The following SFSWAP variants were observed in gnomAD, a reference collection of about 807,000 sequenced individuals.
SFSWAP encodes the protein splicing factor, suppressor of white-apricot homolog.
In SFSWAP, 17 loss-of-function variants were observed where a neutral mutation model predicts 100.7. The ratio of observed to expected loss-of-function variants is 0.17; its 90% confidence interval spans 0.12 to 0.25. SFSWAP has a LOEUF of 0.25. SFSWAP is among the 10% of genes least tolerant of loss of function. The pLI is 1.00. For synonymous variants in SFSWAP, 504 were observed against 510.1 expected (o/e 0.99, Z 0.16); for missense variants, 1,005 against 1,262.6 (o/e 0.80, Z 3.09).
chr12:131,745,947 G>C (rs115118290), intron 7 of SFSWAP, among the ~76,000 whole-genome samples: 1,901 of 152,324 alleles, frequency 0.012, 46 homozygotes, highest in African/African-American at 0.042. Flanking sequence ...AGCCCTGCTA[G>C]GGTAAATCTG....
intron 7 of SFSWAP, among the ~76,000 whole-genome samples, chr12:131,752,755 G>A (rs1037970310): frequency 6.6e-6 from 1 of 152,240 alleles, no homozygotes; most frequent in African/African-American, 2.4e-5. Flanking sequence ...GGTGGCCTTC[G>A]TGGGCCGTGT....
chr12:131,743,329 A>C (rs964610925), intron 7 of SFSWAP, among the ~76,000 whole-genome samples: 1 of 152,216 alleles, frequency 6.6e-6, no homozygotes, highest in East Asian at 1.9e-4. Context: ...TATAAAATCA[A>C]AAGCAAGTTA....
At chr12:131,783,816 A>G (rs1449233142) in intron 14 of SFSWAP, 6 of 136,206 alleles carry the variant, frequency 4.4e-5, no homozygotes, top group Non-Finnish European at 6.4e-5. Context: ...ATATATATAT[A>G]TATATAATTC....
At chr12:131,783,822 A>ATATATATATATATATATATATATATATAT (rs1491403303) in intron 14 of SFSWAP, 52 of 125,252 alleles carry the variant, frequency 4.2e-4, no homozygotes, top group South Asian at 7.9e-4. Context: ...ATATATATAT[A>ATATATATATATATATATATATATATATAT]ATTCTTTGTA....
At chr12:131,722,426 G>T (rs1878559496) in intron 4 of SFSWAP, among the ~76,000 whole-genome samples, 1 of 151,990 alleles carries the variant, frequency 6.6e-6, no homozygotes, top group South Asian at 2.1e-4. Context: ...AGGCCAGTGT[G>T]GTGGCACGTG....
intron 15 of SFSWAP, among the ~76,000 whole-genome samples, chr12:131,792,825 G>A (rs1194771703): frequency 2.6e-5 from 4 of 152,336 alleles, no homozygotes; most frequent in South Asian, 2.1e-4. Context: ...GAGCTCCCAC[G>A]GCTTTTCTAG....
intron 16 of SFSWAP, among the ~76,000 whole-genome samples, chr12:131,797,900 A>C (rs1210882505): frequency 6.6e-6 from 1 of 152,264 alleles, no homozygotes; most frequent in Non-Finnish European, 1.5e-5. Flanking sequence ...CAGAGAGGGC[A>C]GCATCTGGGA....
intron 13 of SFSWAP, 146 bp downstream of exon 13, chr12:131,766,454 T>C: frequency 1.3e-6 from 1 of 750,882 alleles, no homozygotes; most frequent in Non-Finnish European, 2.2e-6. Flanking sequence ...TTGAGTGGCT[T>C]TTACTCTATA....
intron 14 of SFSWAP, chr12:131,785,265 A>G (rs942052196): frequency 1.1e-5 from 16 of 1,471,740 alleles, no homozygotes; most frequent in African/African-American, 1.8e-5. Flanking sequence ...TCTGTTCTGT[A>G]AATCTTAGGA....
Position 131,747,980 on chromosome 12 carries a change from G to A in SFSWAP, c.1082-5143G>A, listed in dbSNP as rs1280866022. 2.0e-5 allele frequency among the ~76,000 whole-genome samples: 3 copies of A among 152,188 alleles called. No homozygotes were observed. The South Asian group carries it at 6.2e-4, about 31-fold the overall frequency. ...CCAGGAAAAGAGACCGAGAGGCATG[G>A]CCGCTGCCGAGGAAGAGCCTGGGGC... On this transcript the variant is annotated intron_variant, in intron 7 of 17. Coordinates refer to ENST00000261674, the MANE Select transcript of SFSWAP (RefSeq NM_004592.4).
At chr12:131,764,041 G>A (rs899465220) in intron 11 of SFSWAP, among the ~76,000 whole-genome samples, 5 of 152,102 alleles carry the variant, frequency 3.3e-5, no homozygotes, top group African/African-American at 7.2e-5. Flanking sequence ...CAGGAGAATC[G>A]CTTGAACCTA....
intron 7 of SFSWAP, among the ~76,000 whole-genome samples, chr12:131,744,074 G>A (rs778187499): frequency 6.6e-6 from 1 of 152,190 alleles, no homozygotes; most frequent in Non-Finnish European, 1.5e-5. Context: ...CCACGAAACC[G>A]TTTTTTCTTC....
chr12:131,741,456 T>C (rs1175745539), intron 7 of SFSWAP, among the ~76,000 whole-genome samples: 1 of 151,852 alleles, frequency 6.6e-6, no homozygotes, highest in African/African-American at 2.4e-5. Context: ...GGCAACATAG[T>C]GAGACTGTCT....
chr12:131,765,605 G>A lies in SFSWAP; in HGVS notation c.1952-513G>A, dbSNP rs148279482. Among the ~76,000 whole-genome samples the A allele has an allele frequency of 2.1e-3, 321 of 151,736 alleles. 2 individuals are homozygous for A. The highest frequency in any genetic ancestry group is 7.3e-3 in the African/African-American group (300 of 41,326). On this transcript the variant is annotated intron_variant, in intron 12 of 17. Coordinates refer to ENST00000261674, the MANE Select transcript of SFSWAP (RefSeq NM_004592.4). Reference sequence around the variant, plus strand: ...AGAGGTTGCAGTGAGCTGAGATCACGCCATTGCACTACAGCCTGGGCAACA... The same window carrying A: ...AGAGGTTGCAGTGAGCTGAGATCACACCATTGCACTACAGCCTGGGCAACA...
At position 131,754,438 on chromosome 12, in the gene SFSWAP, G is replaced by C. The variant is rs780085612; in HGVS notation, c.1393G>C (p.Glu465Gln). Residue 465 changes from glutamate (E) to glutamine (Q), a missense_variant, in exon 9 of 18, where the codon GAG becomes CAG. By Grantham distance (29) the Glu-to-Gln change is conservative. Around this residue, in one of 7 missense-constraint regions of SFSWAP, gnomAD observed 311 missense variants for 317.8 expected, o/e 0.98. Transcript: ENST00000261674. ...DVQPVIDKLA[E>Q]YVARNGLKFE... is the part of the protein sequence containing the mutation. ...CCAGCCCGTGATTGACAAGCTGGCCGAGTATGTCGCCAGGAACGGCCTGAA... is the reference window on the plus strand; with the variant it reads ...CCAGCCCGTGATTGACAAGCTGGCCCAGTATGTCGCCAGGAACGGCCTGAA... 1.2e-6 allele frequency: 2 copies of C among 1,603,696 alleles called. No individual in the cohort carries two copies. The highest frequency in any genetic ancestry group is 4.6e-5 in the East Asian group (2 of 43,806).
At chr12:131,789,191 A>G (rs1312539148) in intron 15 of SFSWAP, among the ~76,000 whole-genome samples, 1 of 152,160 alleles carries the variant, frequency 6.6e-6, no homozygotes, top group Non-Finnish European at 1.5e-5. Flanking sequence ...CATGTTGCCC[A>G]GGATGGTCTC....
chr12:131,768,631 C>G (rs55844034), intron 13 of SFSWAP, among the ~76,000 whole-genome samples: 2 of 152,112 alleles, frequency 1.3e-5, no homozygotes, highest in Non-Finnish European at 2.9e-5. Flanking sequence ...TCTGGCCACC[C>G]GCTGTAGCCT....
intron 15 of SFSWAP, among the ~76,000 whole-genome samples, chr12:131,791,966 T>G (rs538143246): frequency 6.9e-6 from 1 of 144,966 alleles, no homozygotes; most frequent in South Asian, 2.2e-4. Flanking sequence ...ACGTGTGTGT[T>G]CACTGGTCAT....
rs746902427 is a variant in SFSWAP, at chr12:131,711,436, C to T, written c.207C>T (p.Ile69=). The change falls in exon 1 of 18, where the codon ATC becomes ATT. Residue 69 remains isoleucine (I), a synonymous_variant. Coordinates refer to ENST00000261674, the MANE Select transcript of SFSWAP (RefSeq NM_004592.4). This position sits in a 1 kb window ranked among gnomAD's most constrained non-coding sequence, Gnocchi z 4.9. ...TCCCCTGGATGGGGGACCACAAGAT[C>T]CTCATCGACAGGTCGGTTCCTCTCC... The part of the protein sequence containing the change: ...HLIPWMGDHK[I]LIDRYDGRGH... The T allele has an allele frequency of 5.6e-6, 9 of 1,613,000 alleles. No homozygotes were observed. Among genetic ancestry groups the T allele is most frequent in the East Asian group, 2.2e-5 (1 of 44,882 alleles).
Sources: allele counts gnomAD v4.1 joint callset (sites outside exome capture counted in the v4.1 genomes callset), GRCh38; gene constraint gnomAD v4.1.1; regional missense constraint gnomAD v4.1.1; non-coding constraint Gnocchi (gnomAD v3.1); transcripts MANE v1.5; gene names NCBI Gene and HGNC (gene_info 2026-07-23, HGNC 2026-07-21).